Variants in THSD7A observed in about 807,000 individuals in gnomAD.
THSD7A encodes thrombospondin type-1 domain-containing protein 7A.
Under a neutral mutation model 231.3 loss-of-function variants are expected in THSD7A, and 96 were observed. That is an observed-to-expected ratio of 0.41 (90% CI 0.35 to 0.49). THSD7A has a LOEUF of 0.49. THSD7A is among the 20% of genes least tolerant of loss of function. The probability of loss-of-function intolerance (pLI) is 0.05; values close to 1 mark genes in which losing one functional copy is unlikely to be tolerated. For missense variants in THSD7A, 2,290 were observed against 2,070.2 expected, an observed-to-expected ratio of 1.11 and a Z score of -2.06; for synonymous variants, 940 against 743.3, an observed-to-expected ratio of 1.26 and a Z score of -4.30.
intron 1 of THSD7A, among the ~76,000 whole-genome samples, chr7:11,785,247 G>A (rs1372746659): frequency 1.3e-5 from 2 of 151,704 alleles, no homozygotes; most frequent in Non-Finnish European, 2.9e-5. Context: ...TTTCAGAGAC[G>A]AGGTTTTGCT....
chr7:11,760,376 A>C (rs1782815248), intron 1 of THSD7A, among the ~76,000 whole-genome samples: 1 of 152,132 alleles, frequency 6.6e-6, no homozygotes, highest in African/African-American at 2.4e-5. Flanking sequence ...AGTGGGCAAA[A>C]AAAAGAAATA....
chr7:11,465,841 T>A (rs1785681718), intron 9 of THSD7A, among the ~76,000 whole-genome samples: 1 of 152,160 alleles, frequency 6.6e-6, no homozygotes, highest in Admixed American at 6.5e-5. Context: ...AAAGTATTGA[T>A]TTTTTAAAAT....
chr7:11,752,161 C>T (rs568474937), intron 1 of THSD7A, among the ~76,000 whole-genome samples: 1 of 152,188 alleles, frequency 6.6e-6, no homozygotes, highest in South Asian at 2.1e-4. Flanking sequence ...TTGTTTACTA[C>T]ATATAAAAGC....
chr7:11,402,069 C>A, intron 22 of THSD7A, 101 bp from the exon 23 acceptor site: 4 of 905,960 alleles, frequency 4.4e-6, no homozygotes, highest in Non-Finnish European at 6.8e-6. Context: ...TTCTGGTATC[C>A]CAGGCACACA....
At chr7:11,471,122 A>T (rs1454302390) in intron 8 of THSD7A, among the ~76,000 whole-genome samples, 11 of 152,008 alleles carry the variant, frequency 7.2e-5, no homozygotes, top group Admixed American at 2.0e-4. Flanking sequence ...AGCTTAGAAA[A>T]GTAAAATATA....
chr7:11,683,372 A>G (rs1366204863), intron 1 of THSD7A, among the ~76,000 whole-genome samples: 1 of 152,038 alleles, frequency 6.6e-6, no homozygotes, highest in Non-Finnish European at 1.5e-5. Flanking sequence ...AGAAATAACT[A>G]CAATCAGAGC....
intron 7 of THSD7A, among the ~76,000 whole-genome samples, chr7:11,475,287 G>A (rs1786112452): frequency 6.6e-6 from 1 of 152,104 alleles, no homozygotes; most frequent in South Asian, 2.1e-4. Context: ...CCACTGCTGG[G>A]TGAAAAGTGC....
intron 1 of THSD7A, among the ~76,000 whole-genome samples, chr7:11,729,724 TA>T (rs1767073969): frequency 6.6e-6 from 1 of 151,708 alleles, no homozygotes; most frequent in African/African-American, 2.4e-5. Flanking sequence ...CATGGCCTTC[TA>T]ATAGAATGTT....
intron 6 of THSD7A, among the ~76,000 whole-genome samples, chr7:11,540,607 T>C (rs551565129): frequency 1.3e-5 from 2 of 152,184 alleles, no homozygotes; most frequent in African/African-American, 2.4e-5. Context: ...ACCTTAGAGA[T>C]GATCTTGTCC....
chr7:11,655,136 G>A (rs1782656579), intron 1 of THSD7A, among the ~76,000 whole-genome samples: 1 of 151,824 alleles, frequency 6.6e-6, no homozygotes, highest in Admixed American at 6.6e-5. Context: ...CTATAATTCA[G>A]ATGAATAGCT....
chr7:11,720,101 C>T (rs1210721866), intron 1 of THSD7A, among the ~76,000 whole-genome samples: 1 of 151,682 alleles, frequency 6.6e-6, no homozygotes, highest in Non-Finnish European at 1.5e-5. Context: ...AACACATTGA[C>T]AGGGGTACGA....
At chr7:11,639,999 T>G (rs1341948093) in intron 1 of THSD7A, among the ~76,000 whole-genome samples, 1 of 152,202 alleles carries the variant, frequency 6.6e-6, no homozygotes, top group East Asian at 1.9e-4. Context: ...AGAAGATGGT[T>G]GCTTTGAAAA....
chr7:11,381,758 T>C (rs1017743860), intron 24 of THSD7A, among the ~76,000 whole-genome samples: 1 of 152,148 alleles, frequency 6.6e-6, no homozygotes, highest in Non-Finnish European at 1.5e-5. Flanking sequence ...CTGACTTGTA[T>C]TTCTTTCTAG....
chr7:11,407,296 A>C lies in THSD7A; in HGVS notation c.3916+10T>G. 8.7e-6 allele frequency: 14 copies of C among 1,605,506 alleles called. No homozygotes were observed. Among genetic ancestry groups the C allele is most frequent in the Non-Finnish European group, 1.1e-5 (13 of 1,174,072 alleles). ...CCAGTAGCCTAATATAAGTTATGGT[A>C]CAAACAAACCTGTGAGGCCACATGT... is the stretch of plus-strand genomic sequence containing the variant. On this transcript the variant is annotated intron_variant, in intron 20 of 27. Transcript: ENST00000423059.
chr7:11,759,137 G>A (rs1369287373), intron 1 of THSD7A, among the ~76,000 whole-genome samples: 1 of 151,926 alleles, frequency 6.6e-6, no homozygotes, highest in Non-Finnish European at 1.5e-5. Flanking sequence ...CAGGAAAGGA[G>A]CAACCATGAG....
At chr7:11,687,924 T>A (rs1363468237) in intron 1 of THSD7A, among the ~76,000 whole-genome samples, 1 of 151,840 alleles carries the variant, frequency 6.6e-6, no homozygotes, top group Admixed American at 6.6e-5. Context: ...TTATTTATTT[T>A]ATTATGCTTT....
At chr7:11,781,275 G>GT (rs1426377194) in intron 1 of THSD7A, among the ~76,000 whole-genome samples, 2 of 151,168 alleles carry the variant, frequency 1.3e-5, no homozygotes, top group East Asian at 3.9e-4. Flanking sequence ...GTCAGACCCT[G>GT]TCTCTGCACA....
chr7:11,810,902 G>C (rs890845705), intron 1 of THSD7A, among the ~76,000 whole-genome samples: 1 of 152,058 alleles, frequency 6.6e-6, no homozygotes, highest in East Asian at 1.9e-4. Context: ...AATTAAATTA[G>C]GAAGACTAAA....
intron 1 of THSD7A, among the ~76,000 whole-genome samples, chr7:11,740,171 G>T (rs1003392642): frequency 6.6e-6 from 1 of 151,864 alleles, no homozygotes; most frequent in Non-Finnish European, 1.5e-5. Flanking sequence ...TGGCTTCAAG[G>T]TAGTCCTAGG....
Sources: allele counts gnomAD v4.1 joint callset (sites outside exome capture counted in the v4.1 genomes callset), GRCh38; gene constraint gnomAD v4.1.1; transcripts MANE v1.5; gene names NCBI Gene and HGNC (gene_info 2026-07-23, HGNC 2026-07-21).